Variants in DIAPH3 observed in about 807,000 individuals in gnomAD.
The protein encoded by DIAPH3 is protein diaphanous homolog 3.
A neutral mutation model predicts 144.3 loss-of-function variants in DIAPH3; 117 were observed. That is an observed-to-expected ratio of 0.81 (90% CI 0.70 to 0.95). The LOEUF (loss-of-function observed/expected upper bound fraction) is 0.95, where lower values mean the gene tolerates loss of function less well. DIAPH3 is among the 40% of genes least tolerant of loss of function. The pLI is 0.00. For missense variants in DIAPH3, 1,421 were observed against 1,412.7 expected, an observed-to-expected ratio of 1.01 and a Z score of -0.09; for synonymous variants, 519 against 488.9, an observed-to-expected ratio of 1.06 and a Z score of -0.81.
At chr13:59,789,386 T>C (rs551580147) in intron 25 of DIAPH3, among the ~76,000 whole-genome samples, 3 of 152,304 alleles carry the variant, frequency 2.0e-5, no homozygotes, top group African/African-American at 7.2e-5. Flanking sequence ...TTACTTCGCA[T>C]TGAAAATATA....
At chr13:59,783,638 A>G (rs1487049247) in intron 25 of DIAPH3, among the ~76,000 whole-genome samples, 1 of 152,204 alleles carries the variant, frequency 6.6e-6, no homozygotes, top group Non-Finnish European at 1.5e-5. Flanking sequence ...TGGCTCCCCA[A>G]CTAACAATCA....
intron 4 of DIAPH3, among the ~76,000 whole-genome samples, chr13:60,075,194 G>A (rs193301187): frequency 8.5e-5 from 13 of 152,168 alleles, no homozygotes; most frequent in East Asian, 7.7e-4. Context: ...GAAATTGAAC[G>A]TCTTTTCATG....
chr13:59,754,027 C>T (rs921255465), intron 27 of DIAPH3, among the ~76,000 whole-genome samples: 7 of 152,254 alleles, frequency 4.6e-5, no homozygotes, highest in African/African-American at 1.7e-4. Context: ...GCTATTCAAC[C>T]AATTTAAATA....
intron 2 of DIAPH3, among the ~76,000 whole-genome samples, chr13:60,119,739 T>A (rs1330230388): frequency 1.1e-5 from 1 of 88,956 alleles, no homozygotes; most frequent in Non-Finnish European, 2.0e-5. Context: ...AGAGCGAGAC[T>A]CCGTCTCAAA....
intron 9 of DIAPH3, among the ~76,000 whole-genome samples, chr13:59,998,020 C>G (rs1469646560): frequency 2.0e-5 from 3 of 152,114 alleles, no homozygotes; most frequent in Non-Finnish European, 4.4e-5. Flanking sequence ...CAGAAATCAT[C>G]TGTCTCTCTT....
chr13:59,687,859 A>T (rs2033297801), intron 27 of DIAPH3, among the ~76,000 whole-genome samples: 1 of 152,070 alleles, frequency 6.6e-6, no homozygotes, highest in Non-Finnish European at 1.5e-5. Flanking sequence ...AATCCTATAG[A>T]TATTAACAAC....
At chr13:60,111,419 C>T (rs977278044) in intron 3 of DIAPH3, among the ~76,000 whole-genome samples, 2 of 152,206 alleles carry the variant, frequency 1.3e-5, no homozygotes, top group East Asian at 1.9e-4. Flanking sequence ...TTAACATGGA[C>T]TGGACTCAGA....
intron 27 of DIAPH3, among the ~76,000 whole-genome samples, chr13:59,709,462 G>A (rs2034609206): frequency 2.0e-5 from 3 of 152,128 alleles, no homozygotes; most frequent in African/African-American, 4.8e-5. Flanking sequence ...CTCAAAAGAA[G>A]ACATTTATGC....
At chr13:59,764,300 C>T (rs575134493) in intron 27 of DIAPH3, among the ~76,000 whole-genome samples, 3 of 151,738 alleles carry the variant, frequency 2.0e-5, no homozygotes, top group African/African-American at 4.8e-5. Context: ...TTCTGGACTT[C>T]GGAGTCAGAC....
intron 21 of DIAPH3, among the ~76,000 whole-genome samples, chr13:59,864,491 CA>C (rs1198005999): frequency 4.6e-5 from 7 of 152,020 alleles, no homozygotes; most frequent in African/African-American, 7.2e-5. Flanking sequence ...TCTACCTTCA[CA>C]ATTTGTAAAG....
intron 25 of DIAPH3, among the ~76,000 whole-genome samples, chr13:59,797,718 G>C (rs1008316116): frequency 6.6e-6 from 1 of 152,060 alleles, no homozygotes; most frequent in Admixed American, 6.6e-5. Context: ...TTCCTTCAAG[G>C]GGATAATGGG....
intron 27 of DIAPH3, among the ~76,000 whole-genome samples, chr13:59,764,620 T>G (rs2037778270): frequency 6.7e-6 from 1 of 148,974 alleles, no homozygotes; most frequent in Non-Finnish European, 1.5e-5. Context: ...ATCCAATGAC[T>G]GATGTCCCTA....
intron 22 of DIAPH3, among the ~76,000 whole-genome samples, chr13:59,854,668 A>T (rs1034433144): frequency 1.1e-4 from 17 of 152,180 alleles, no homozygotes; most frequent in African/African-American, 3.9e-4. Flanking sequence ...ATATTGCTTT[A>T]CAGCCACAAG....
chr13:59,759,155 T>C (rs1230161854), intron 27 of DIAPH3, among the ~76,000 whole-genome samples: 1 of 152,168 alleles, frequency 6.6e-6, no homozygotes, highest in South Asian at 2.1e-4. Context: ...GAAAAATACC[T>C]TTTTCACATG....
chr13:59,932,461 A>T (rs2048066138), intron 17 of DIAPH3, among the ~76,000 whole-genome samples: 1 of 152,112 alleles, frequency 6.6e-6, no homozygotes, highest in African/African-American at 2.4e-5. Flanking sequence ...AATAAATCTG[A>T]TAAAAGAATG....
intron 4 of DIAPH3, among the ~76,000 whole-genome samples, chr13:60,056,215 A>G (rs2056551946): frequency 6.7e-6 from 1 of 148,280 alleles, no homozygotes; most frequent in African/African-American, 2.5e-5. Flanking sequence ...TCTATTATCT[A>G]TTTTATATGT....
At chr13:59,701,029 A>G (rs1026769034) in intron 27 of DIAPH3, among the ~76,000 whole-genome samples, 5 of 152,178 alleles carry the variant, frequency 3.3e-5, no homozygotes, top group Non-Finnish European at 5.9e-5. Context: ...ATCAGTCTTT[A>G]CTAACACCAT....
chr13:59,831,953 A>G lies in DIAPH3; in HGVS notation c.3027+1154T>C, dbSNP rs1232929269. Among the ~76,000 whole-genome samples, 14 of 151,882 alleles carry G rather than the reference A, an allele frequency of 9.2e-5. No individual in the cohort carries two copies. The Admixed American group carries it at 9.2e-4, about 10-fold the overall frequency. On this transcript the variant is annotated intron_variant, in intron 24 of 27. Transcript: ENST00000400324. ...AATTCACATTACTTTTTTAAAACCA[A>G]TGTGGAAACTGAGGCTCAAGGTTAA... is the stretch of plus-strand genomic sequence containing the variant.
intron 27 of DIAPH3, among the ~76,000 whole-genome samples, chr13:59,705,074 A>C (rs755431980): frequency 1.3e-5 from 2 of 152,174 alleles, no homozygotes; most frequent in Non-Finnish European, 2.9e-5. Context: ...CAGCCAAGAA[A>C]ACAGAATTTT....
Sources: allele counts gnomAD v4.1 joint callset (sites outside exome capture counted in the v4.1 genomes callset), GRCh38; gene constraint gnomAD v4.1.1; transcripts MANE v1.5; gene names NCBI Gene and HGNC (gene_info 2026-07-23, HGNC 2026-07-21).